NRF1: variants seen among roughly 807,000 people sequenced by gnomAD.
NRF1 encodes alpha palindromic-binding protein.
In NRF1, 5 loss-of-function variants were observed where a neutral mutation model predicts 58.5. The ratio of observed to expected loss-of-function variants is 0.09; its 90% CI spans 0.04 to 0.18. The LOEUF (loss-of-function observed/expected upper bound fraction) is 0.18, where lower values mean the gene tolerates loss of function less well. Ranked by LOEUF, NRF1 falls within the 10% of genes least tolerant of loss-of-function variation. The pLI, the probability that NRF1 is intolerant of heterozygous loss-of-function variation, is 1.00. For missense variants in NRF1, 288 were observed against 657.7 expected (o/e 0.44, Z 6.15); for synonymous variants, 224 against 246.7 (o/e 0.91, Z 0.86).
intron 1 of NRF1, among the ~76,000 whole-genome samples, chr7:129,655,066 T>G (rs1225955250): frequency 6.6e-6 from 1 of 152,256 alleles, no homozygotes; most frequent in Non-Finnish European, 1.5e-5. Flanking sequence ...TTGACAGTAT[T>G]GTGTCTTCCT....
chr7:129,733,384 G>C (rs981500438), intron 10 of NRF1, among the ~76,000 whole-genome samples: 16 of 151,218 alleles, frequency 1.1e-4, no homozygotes, highest in Non-Finnish European at 2.1e-4. Flanking sequence ...GGAGAACGGC[G>C]TGAACCTGGG....
intron 1 of NRF1, among the ~76,000 whole-genome samples, chr7:129,622,727 G>A (rs1047007279): frequency 2.0e-5 from 3 of 152,014 alleles, no homozygotes; most frequent in Non-Finnish European, 4.4e-5. Flanking sequence ...CCGCCACTGT[G>A]CCCAGCAGAT....
chr7:129,684,515 T>TA (rs1802401762), intron 4 of NRF1, among the ~76,000 whole-genome samples: 1 of 152,186 alleles, frequency 6.6e-6, no homozygotes, highest in African/African-American at 2.4e-5. Flanking sequence ...GAAAAGTGAT[T>TA]AAAGAACTAC....
At position 129,686,578 on chromosome 7, in the gene NRF1, A is replaced by G. The variant is rs140265337; in HGVS notation, c.466-3828A>G. 4.3e-4 allele frequency among the ~76,000 whole-genome samples: 66 copies of G among 152,374 alleles called. No individual in the cohort carries two copies. The East Asian group carries it at 9.8e-3, about 23-fold the overall frequency. On this transcript the variant is annotated intron_variant, in intron 4 of 10. Coordinates refer to ENST00000393232, the MANE Select transcript of NRF1 (RefSeq NM_005011.5). ...CAGTTTTCTTATTTGCAAAATGAACATAATATTTTCCTTATAGAATTATGG... is the reference window on the plus strand; with the variant it reads ...CAGTTTTCTTATTTGCAAAATGAACGTAATATTTTCCTTATAGAATTATGG...
chr7:129,719,825 G>A (rs370180491), intron 9 of NRF1, among the ~76,000 whole-genome samples: 6 of 152,100 alleles, frequency 3.9e-5, no homozygotes, highest in African/African-American at 1.2e-4. Context: ...CCCATTCTCC[G>A]CCCGACTGTA....
At chr7:129,665,606 T>TAG (rs1801901845) in intron 2 of NRF1, among the ~76,000 whole-genome samples, 1 of 152,044 alleles carries the variant, frequency 6.6e-6, no homozygotes. Flanking sequence ...ATCACCAGTA[T>TAG]GTTGTTTGTT....
intron 1 of NRF1, among the ~76,000 whole-genome samples, chr7:129,651,440 TAGAG>T (rs35176512): frequency 0.13 from 19,083 of 146,338 alleles, 1,538 homozygotes; most frequent in Admixed American, 0.23. Context: ...AAAAAATGGT[TAGAG>T]AGGCCAAAGA....
chr7:129,715,472 T>C (rs2116211920), intron 8 of NRF1, among the ~76,000 whole-genome samples: 1 of 152,320 alleles, frequency 6.6e-6, no homozygotes, highest in South Asian at 2.1e-4. Context: ...ACTTCTCCCC[T>C]ACTAAAAAGA....
intron 9 of NRF1, among the ~76,000 whole-genome samples, chr7:129,721,189 C>T (rs1424540499): frequency 6.6e-6 from 1 of 152,086 alleles, no homozygotes; most frequent in Non-Finnish European, 1.5e-5. Flanking sequence ...TGTCCTTCTA[C>T]AAACCCATTT....
intron 1 of NRF1, among the ~76,000 whole-genome samples, chr7:129,624,473 A>C (rs959416573): frequency 6.6e-6 from 1 of 152,190 alleles, no homozygotes; most frequent in Non-Finnish European, 1.5e-5. Context: ...GGTACTATCT[A>C]ACATTTTATA....
chr7:129,736,631 CTT>C (rs5887442), intron 10 of NRF1, among the ~76,000 whole-genome samples: 97 of 143,880 alleles, frequency 6.7e-4, no homozygotes, highest in South Asian at 1.1e-3. Flanking sequence ...GTATCTATAG[CTT>C]TTTTTTTTTT....
chr7:129,738,420 C>T (rs915128263), intron 10 of NRF1, among the ~76,000 whole-genome samples: 9 of 152,188 alleles, frequency 5.9e-5, no homozygotes, highest in East Asian at 3.9e-4. Context: ...GTCTTCCACA[C>T]GCCCCCCTGG....
chr7:129,624,709 G>T (rs1423130532), intron 1 of NRF1, among the ~76,000 whole-genome samples: 1 of 152,000 alleles, frequency 6.6e-6, no homozygotes, highest in Non-Finnish European at 1.5e-5. Flanking sequence ...TGGAGACAAC[G>T]TCTCTGTGTT....
intron 5 of NRF1, among the ~76,000 whole-genome samples, chr7:129,707,629 A>T (rs1339231350): frequency 6.6e-6 from 1 of 152,208 alleles, no homozygotes; most frequent in Non-Finnish European, 1.5e-5. Flanking sequence ...TAATGACCGC[A>T]TGAGCCAGCT....
At chr7:129,753,599 C>CT (rs909437607) in intron 10 of NRF1, among the ~76,000 whole-genome samples, 6 of 151,978 alleles carry the variant, frequency 3.9e-5, no homozygotes, top group South Asian at 2.1e-4. Flanking sequence ...ACTGGGAATC[C>CT]TTTTTTTTAA....
chr7:129,633,871 A>G (rs914521623), intron 1 of NRF1: 1 of 151,506 alleles, frequency 6.6e-6, no homozygotes, highest in Non-Finnish European at 1.5e-5. Flanking sequence ...TAACAAATTT[A>G]TAATATATAA....
intron 1 of NRF1, among the ~76,000 whole-genome samples, chr7:129,645,251 T>C (rs1013890069): frequency 1.3e-5 from 2 of 152,224 alleles, no homozygotes; most frequent in African/African-American, 4.8e-5. Flanking sequence ...TGACAGATGT[T>C]ACAACTAAGA....
At chr7:129,673,322 C>G (rs1411620886) in intron 3 of NRF1, among the ~76,000 whole-genome samples, 1 of 152,094 alleles carries the variant, frequency 6.6e-6, no homozygotes, top group Non-Finnish European at 1.5e-5. Context: ...GATAAGTGGT[C>G]CTTTGCCCAC....
At chr7:129,692,942 C>T (rs1198589311) in intron 5 of NRF1, among the ~76,000 whole-genome samples, 1 of 152,188 alleles carries the variant, frequency 6.6e-6, no homozygotes, top group Non-Finnish European at 1.5e-5. Flanking sequence ...TTTCTTCTCC[C>T]TACCAAGCCA....
Sources: gnomAD v4.1 joint callset for allele counts (sites outside exome capture counted in the v4.1 genomes callset) on GRCh38, gnomAD v4.1.1 for gene constraint, MANE v1.5 for transcripts, NCBI Gene and HGNC (gene_info 2026-07-23, HGNC 2026-07-21) for gene names.